BCHE: variants seen among roughly 807,000 people sequenced by gnomAD.
BCHE encodes butyrylcholinesterase, also known as cholinesterase.
BCHE carries 48 observed loss-of-function variants against 51.3 expected under a neutral mutation model. The ratio of observed to expected loss-of-function variants is 0.94; its 90% CI spans 0.74 to 1.19. The LOEUF is 1.19. BCHE is among the 50% of genes most tolerant of loss of function. BCHE has a pLI of 0.00. For synonymous variants in BCHE, 251 were observed against 238.0 expected (o/e 1.05, Z -0.50); for missense variants, 847 against 708.2 (o/e 1.20, Z -2.23).
intron 3 of BCHE, among the ~76,000 whole-genome samples, chr3:165,776,716 A>G (rs1026593820): frequency 2.0e-5 from 3 of 151,926 alleles, no homozygotes; most frequent in East Asian, 1.9e-4. Flanking sequence ...CACTGTGAAC[A>G]TAATGGAAAG....
chr3:165,831,227 G>GA (rs565872003), intron 1 of BCHE, among the ~76,000 whole-genome samples, 186 bp from the exon 2 acceptor site: 18 of 149,998 alleles, frequency 1.2e-4, no homozygotes, highest in East Asian at 7.8e-4. Flanking sequence ...TTTCAATTTA[G>GA]AAAAAAAAAT....
chr3:165,832,247 T>G (rs978539884), intron 1 of BCHE, among the ~76,000 whole-genome samples: 3 of 152,152 alleles, frequency 2.0e-5, no homozygotes, highest in African/African-American at 7.2e-5. Flanking sequence ...ATTTGGAAAC[T>G]CTGTGACAAA....
intron 2 of BCHE, among the ~76,000 whole-genome samples, chr3:165,794,740 G>A (rs1476181807): frequency 2.6e-5 from 4 of 152,110 alleles, no homozygotes; most frequent in Admixed American, 2.0e-4. Context: ...AGCCTATAGA[G>A]CAGACAAACA....
intron 1 of BCHE, among the ~76,000 whole-genome samples, chr3:165,833,664 C>A (rs1715071937): frequency 6.6e-6 from 1 of 152,044 alleles, no homozygotes; most frequent in African/African-American, 2.4e-5. Flanking sequence ...ACATTTCAGA[C>A]ATAATCAAAG....
intron 2 of BCHE, among the ~76,000 whole-genome samples, chr3:165,826,210 T>A (rs538244060): frequency 9.3e-4 from 141 of 152,236 alleles, no homozygotes; most frequent in African/African-American, 3.2e-3. Flanking sequence ...AGAAAAATAT[T>A]CGTAGAATGC....
intron 2 of BCHE, among the ~76,000 whole-genome samples, chr3:165,812,805 A>G (rs1714152321): frequency 6.6e-6 from 1 of 151,878 alleles, no homozygotes. Flanking sequence ...GTGTGTGAGT[A>G]TTGGAGAGGT....
intron 2 of BCHE, among the ~76,000 whole-genome samples, chr3:165,818,892 T>A (rs2108227048): frequency 6.6e-6 from 1 of 152,168 alleles, no homozygotes; most frequent in Admixed American, 6.6e-5. Flanking sequence ...GAGGGAACAA[T>A]TAACTTGGCA....
chr3:165,815,007 T>C (rs915886311), intron 2 of BCHE, among the ~76,000 whole-genome samples: 2 of 148,866 alleles, frequency 1.3e-5, no homozygotes, highest in African/African-American at 4.9e-5. Flanking sequence ...AATATTAGTA[T>C]TAGTATTATA....
At position 165,830,075 on chromosome 3, in the gene BCHE, G is replaced by A. The variant is rs116607681; in HGVS notation, c.959C>T (p.Pro320Leu). 1.9e-5 allele frequency: 30 copies of A among 1,613,408 alleles called. No individual in the cohort carries two copies. Among genetic ancestry groups the A allele is most frequent in the East Asian group, 8.9e-5 (4 of 44,860 alleles). ...AGTGAGAAAATCACCATCCACGGTC[G>A]GACCAAAGTTTACTGACAAAGGAGT... Reference protein sequence around the residue: ...YGTPLSVNFGPTVDGDFLTDM... With the variant: ...YGTPLSVNFGLTVDGDFLTDM... The change falls in exon 2 of 4, where the codon CCG (proline) becomes CTG (leucine). Residue 320 changes from proline (P) to leucine (L), a missense_variant. Coordinates refer to ENST00000264381, the MANE Select transcript of BCHE (RefSeq NM_000055.4).
chr3:165,832,178 T>G (rs538014426), intron 1 of BCHE, among the ~76,000 whole-genome samples: 1 of 152,152 alleles, frequency 6.6e-6, no homozygotes, highest in African/African-American at 2.4e-5. Context: ...CTAAGTTTTA[T>G]CAGAAATTCA....
intron 2 of BCHE, among the ~76,000 whole-genome samples, chr3:165,798,859 T>A (rs1713528932): frequency 6.6e-6 from 1 of 151,984 alleles, no homozygotes; most frequent in African/African-American, 2.4e-5. Flanking sequence ...CTCATGCAGT[T>A]TTTCTAAAAC....
intron 3 of BCHE, chr3:165,777,716 C>A (rs780257354): frequency 4.5e-6 from 2 of 440,266 alleles, no homozygotes; most frequent in Non-Finnish European, 9.2e-6. Context: ...AGTCCACTTA[C>A]ATGTGGATTT....
intron 2 of BCHE, among the ~76,000 whole-genome samples, chr3:165,818,848 G>GTGA (rs1714405089): frequency 6.6e-6 from 1 of 152,044 alleles, no homozygotes; most frequent in Admixed American, 6.6e-5. Context: ...CAATAACCAT[G>GTGA]TGAGGAAGGT....
chr3:165,808,726 C>T (rs1341187608), intron 2 of BCHE, among the ~76,000 whole-genome samples: 1 of 151,836 alleles, frequency 6.6e-6, no homozygotes, highest in African/African-American at 2.4e-5. Context: ...ATGATTGCAC[C>T]ACTGCACCCC....
At chr3:165,795,183 C>G (rs1713325921) in intron 2 of BCHE, among the ~76,000 whole-genome samples, 1 of 152,168 alleles carries the variant, frequency 6.6e-6, no homozygotes, top group Admixed American at 6.5e-5. Flanking sequence ...TCTTCTAAAA[C>G]TCACATTGAA....
intron 2 of BCHE, among the ~76,000 whole-genome samples, chr3:165,816,615 C>A (rs1444479959): frequency 2.0e-5 from 3 of 152,058 alleles, no homozygotes; most frequent in African/African-American, 7.2e-5. Context: ...AATATGTCCA[C>A]ATTTCCAAAC....
chr3:165,833,436 C>T (rs995971940), intron 1 of BCHE, among the ~76,000 whole-genome samples: 2 of 152,070 alleles, frequency 1.3e-5, no homozygotes, highest in African/African-American at 2.4e-5. Flanking sequence ...ATCTGTATAA[C>T]ATGTTCCTGA....
intron 1 of BCHE, among the ~76,000 whole-genome samples, chr3:165,832,198 TGTGA>T (rs1715015685): frequency 6.6e-6 from 1 of 152,140 alleles, no homozygotes; most frequent in South Asian, 2.1e-4. Flanking sequence ...ATAATGCAGA[TGTGA>T]GTTTCTTTTC....
At chr3:165,782,784 A>G (rs990261297) in intron 3 of BCHE, among the ~76,000 whole-genome samples, 13 of 152,172 alleles carry the variant, frequency 8.5e-5, no homozygotes, top group African/African-American at 3.1e-4. Flanking sequence ...TTGTCTGATG[A>G]GGACCTGCTT....
Sources: allele counts gnomAD v4.1 joint callset (sites outside exome capture counted in the v4.1 genomes callset), GRCh38; gene constraint gnomAD v4.1.1; transcripts MANE v1.5; gene names NCBI Gene and HGNC (gene_info 2026-07-23, HGNC 2026-07-21).